VSIR: variants seen among roughly 807,000 people sequenced by gnomAD.
The protein encoded by VSIR is V-set immunoregulatory receptor.
VSIR carries 10 observed loss-of-function variants against 31.0 expected under a neutral mutation model. That is an observed-to-expected ratio of 0.32 (90% confidence interval 0.20 to 0.55). The LOEUF is 0.55. Ranked by LOEUF, VSIR falls within the 20% of genes least tolerant of loss-of-function variation. VSIR has a pLI of 0.93. For synonymous variants in VSIR, 179 were observed against 180.1 expected, an observed-to-expected ratio of 0.99 and a Z score of 0.05; for missense variants, 356 against 416.2, an observed-to-expected ratio of 0.86 and a Z score of 1.26.
At position 71,761,642 on chromosome 10, in the gene VSIR, G is replaced by A. The variant is rs147441567; in HGVS notation, c.467C>T (p.Ser156Leu). 19 of 1,611,674 alleles carry A rather than the reference G, an allele frequency of 1.2e-5. No homozygotes were observed. The highest frequency in any genetic ancestry group is 1.7e-4 in the Middle Eastern group (1 of 6,024). Residue 156 changes from serine to leucine, a missense_variant, in exon 2 of 7, where the codon TCG becomes TTG. This residue lies in a region of VSIR where 166 missense variants were observed against 231.0 expected (regional missense o/e 0.72). Transcript: ENST00000394957. ...CLVVEIRHHH[S>L]EHRVHGAMEL... ...CATGGCACCATGGACCCTGTGCTCC[G>A]AGTGGTGGTGCCTGATCTCCACCAC...
intron 5 of VSIR, 182 bp from the exon 6 acceptor site, chr10:71,752,043 T>A: frequency 1.3e-6 from 1 of 741,172 alleles, no homozygotes; most frequent in South Asian, 1.5e-5. Flanking sequence ...GGGCTGCACC[T>A]GCCCACCTGT....
In VSIR at chr10:71,755,456, A is replaced by G; in HGVS notation, c.579T>C (p.Ala193=). Residue 193 remains alanine, a synonymous_variant, in exon 4 of 7, where the codon GCT becomes GCC. Coordinates refer to ENST00000394957, the MANE Select transcript of VSIR (RefSeq NM_022153.2). The stretch of plus-strand genomic sequence containing the variant: ...TGCAGGCACCCGTAGCCAGGGCTGC[A>G]GCCGTGATGTCTGAAAGGGCAGAGA... ...SSSQDSENIT[A]AALATGACIV... is the part of the protein sequence containing the mutation. 6.2e-7 allele frequency: 1 copy of G among 1,611,714 alleles called. No individual in the cohort carries two copies. Among genetic ancestry groups the G allele is most frequent in the Non-Finnish European group, 8.5e-7 (1 of 1,179,138 alleles).
intron 3 of VSIR, among the ~76,000 whole-genome samples, chr10:71,756,593 C>T (rs574988683): frequency 2.6e-5 from 4 of 152,306 alleles, no homozygotes; most frequent in African/African-American, 7.2e-5. Flanking sequence ...AAGGTGTACA[C>T]GAAGCTTCGC....
At position 71,761,733 on chromosome 10, in the gene VSIR, G is replaced by C. The variant is rs767970601; in HGVS notation, c.376C>G (p.His126Asp). 1 of 1,614,130 alleles carries C rather than the reference G, an allele frequency of 6.2e-7. No homozygotes were observed. Among genetic ancestry groups the C allele is most frequent in the South Asian group, 1.1e-5 (1 of 91,088 alleles). The change falls in exon 2 of 7, where the codon CAT becomes GAT. Residue 126 changes from histidine to aspartate, a missense_variant. Transcript: ENST00000394957. The part of the protein sequence containing the change: ...RHGLESASDH[H>D]GNFSITMRNL... The stretch of plus-strand genomic sequence containing the variant: ...CGCATGGTGATGGAGAAGTTGCCAT[G>C]GTGGTCGGAGGCCGACTCCAGCCCG...
chr10:71,750,955 C>CTTCTGA lies in VSIR; in HGVS notation c.*297_*298insTCAGAA. 2.8e-6 allele frequency: 1 copy of CTTCTGA among 360,152 alleles called. No homozygotes were observed. The allele number at this position is 360,152 out of a possible 1,614,324, so 22.3% of individuals were successfully genotyped here. ...GAACGAGAGCTGCTGAAGGGCTGGA[C>CTTCTGA]GTTCTGAGACTTCTTAAGATGTAAG... On this transcript the variant is annotated 3_prime_UTR_variant, in exon 7 of 7. Coordinates refer to ENST00000394957, the MANE Select transcript of VSIR (RefSeq NM_022153.2).
rs763816748 is a variant in VSIR, at chr10:71,761,740, G to A, written c.369C>T (p.Ser123=). 45 of 1,614,086 alleles carry A rather than the reference G, an allele frequency of 2.8e-5. No individual in the cohort carries two copies. Among genetic ancestry groups the A allele is most frequent in the Middle Eastern group, 1.7e-4 (1 of 6,060 alleles). The change falls in exon 2 of 7, where the codon TCC becomes TCT. Residue 123 remains serine (S), a synonymous_variant. Transcript: ENST00000394957. ...LAQRHGLESA[S]DHHGNFSITM... is the part of the protein sequence containing the mutation. Reference sequence around the variant, plus strand: ...TGATGGAGAAGTTGCCATGGTGGTCGGAGGCCGACTCCAGCCCGTGGCGCT... The same window carrying A: ...TGATGGAGAAGTTGCCATGGTGGTCAGAGGCCGACTCCAGCCCGTGGCGCT...
chr10:71,769,191 A>G (rs915534262), intron 1 of VSIR, among the ~76,000 whole-genome samples: 2 of 152,212 alleles, frequency 1.3e-5, no homozygotes, highest in Non-Finnish European at 2.9e-5. Context: ...TACATCAAAG[A>G]GAAAGTCTCA....
chr10:71,763,172 T>G (rs7909934), intron 1 of VSIR, among the ~76,000 whole-genome samples: 30,372 of 152,136 alleles, frequency 0.2, 3,522 homozygotes, highest in Non-Finnish European at 0.26. Context: ...GGTGTTATTT[T>G]TATTTATTTA....
In VSIR at chr10:71,761,580, C is replaced by A. The variant is rs546854374; in HGVS notation, c.511+18G>T. On this transcript the variant is annotated intron_variant, in intron 2 of 6. Coordinates refer to ENST00000394957, the MANE Select transcript of VSIR (RefSeq NM_022153.2). ...GCCCTCCACACACGCCAGGCTGTCA[C>A]GTGCAGGATGCCCTCACCTGTCTGC... 130 of 1,553,068 alleles carry A rather than the reference C, an allele frequency of 8.4e-5. No individual in the cohort carries two copies. Among genetic ancestry groups the A allele is most frequent in the Non-Finnish European group, 1.1e-4 (129 of 1,151,118 alleles).
chr10:71,762,624 G>A (rs571310559), intron 1 of VSIR, among the ~76,000 whole-genome samples: 1 of 152,188 alleles, frequency 6.6e-6, no homozygotes, highest in South Asian at 2.1e-4. Flanking sequence ...CCAGCCCTCA[G>A]GGCACTTGGA....
rs558389069 is a variant in VSIR at position 71,764,089 on chromosome 10, A to G, written c.83-2063T>C. Among the ~76,000 whole-genome samples the G allele has an allele frequency of 1.7e-3, 255 of 152,360 alleles. 1 individual carries two copies. The highest frequency in any genetic ancestry group is 3.7e-3 in the Admixed American group (56 of 15,310). Reference sequence around the variant, plus strand: ...ACAGGTCTCCTTTTCAGGCAGAAACACAGAGACCCAGAAAGGGAAAGTGGT... The same window carrying G: ...ACAGGTCTCCTTTTCAGGCAGAAACGCAGAGACCCAGAAAGGGAAAGTGGT... On this transcript the variant is annotated intron_variant, in intron 1 of 6. Transcript: ENST00000394957.
At chr10:71,770,142 A>G (rs1840653658) in intron 1 of VSIR, among the ~76,000 whole-genome samples, 1 of 152,250 alleles carries the variant, frequency 6.6e-6, no homozygotes, top group Admixed American at 6.5e-5. Context: ...TAGGCCCTGT[A>G]GAGAGCAAGC....
In VSIR at chr10:71,753,481, T is replaced by C. The variant is rs528285199; in HGVS notation, c.677-479A>G. On this transcript the variant is annotated intron_variant, in intron 4 of 6. Transcript: ENST00000394957. ...CAGTTCCTAATTAGAGGGCTCCTGG[T>C]CCTCTCTGTCCTATCCCCTACATTG... 1.1e-4 allele frequency among the ~76,000 whole-genome samples: 16 copies of C among 152,342 alleles called. 1 individual carries two copies. Among genetic ancestry groups the C allele is most frequent in the African/African-American group, 3.6e-4 (15 of 41,574 alleles).
At chr10:71,752,655 G>A (rs1840034612) in intron 5 of VSIR, among the ~76,000 whole-genome samples, 1 of 152,158 alleles carries the variant, frequency 6.6e-6, no homozygotes, top group African/African-American at 2.4e-5. Flanking sequence ...GCTGGGGCTG[G>A]GCCCGCTGGC....
rs141480674 is a variant in VSIR, at chr10:71,768,745, G to A, written c.82+4613C>T. ...TCCTCCCACCTCAGCCTCCCAAAGT[G>A]CTGGGATTACAGGCATGAGCCACTG... On this transcript the variant is annotated intron_variant, in intron 1 of 6. Coordinates refer to ENST00000394957, the MANE Select transcript of VSIR (RefSeq NM_022153.2). Among the ~76,000 whole-genome samples the A allele has an allele frequency of 2.0e-5, 3 of 152,284 alleles. No homozygotes were observed. The East Asian group carries it at 5.8e-4, about 29-fold the overall frequency.
intron 3 of VSIR, among the ~76,000 whole-genome samples, chr10:71,759,854 C>CACACACATATATATACACACACACATAT (rs1554868480): frequency 2.1e-4 from 23 of 109,278 alleles, no homozygotes; most frequent in Non-Finnish European, 4.3e-4. Flanking sequence ...CACATATACA[C>CACACACATATATATACACACACACATAT]ACACACACAC....
chr10:71,768,293 C>T (rs1214097262), intron 1 of VSIR, among the ~76,000 whole-genome samples: 2 of 152,296 alleles, frequency 1.3e-5, no homozygotes, highest in Middle Eastern at 3.4e-3. Flanking sequence ...GCCTCAGCCT[C>T]CCGAGTAGCT....
At chr10:71,760,275 ATGTATG>A (rs1840339038) in intron 3 of VSIR, among the ~76,000 whole-genome samples, 4 of 114,524 alleles carry the variant, frequency 3.5e-5, no homozygotes, top group Admixed American at 9.7e-5. Context: ...ATACATATAT[ATGTATG>A]TATATATGTG....
chr10:71,773,375 A>C lies in VSIR; in HGVS notation c.65T>G (p.Phe22Cys). The stretch of plus-strand genomic sequence containing the variant: ...GACCTTACCTAGGGACGCAGCCAGG[A>C]AGAGAGCGAAGAGCAGGGATCCCCA... ...WRWGSLLFAL[F>C]LAASLGPVAA... The change falls in exon 1 of 7, where the codon TTC (phenylalanine) becomes TGC (cysteine). Residue 22 changes from phenylalanine (F) to cysteine (C), a missense_variant. Physicochemically the swap from Phe to Cys is radical, Grantham distance 205. Coordinates refer to ENST00000394957, the MANE Select transcript of VSIR (RefSeq NM_022153.2). 6.2e-7 allele frequency: 1 copy of C among 1,609,702 alleles called. No homozygotes were observed. The highest frequency in any genetic ancestry group is 8.5e-7 in the Non-Finnish European group (1 of 1,178,362).
Sources: gnomAD v4.1 joint callset for allele counts (sites outside exome capture counted in the v4.1 genomes callset) on GRCh38, gnomAD v4.1.1 for gene constraint, gnomAD v4.1.1 regional missense constraint, MANE v1.5 for transcripts, NCBI Gene and HGNC (gene_info 2026-07-23, HGNC 2026-07-21) for gene names.